PNLIPRP3: variants seen among roughly 807,000 people sequenced by gnomAD.
PNLIPRP3 encodes pancreatic lipase-related protein 3.
Under a neutral mutation model 52.8 loss-of-function variants are expected in PNLIPRP3, and 58 were observed. That is an observed-to-expected ratio of 1.10 (90% CI 0.89 to 1.37). The LOEUF is 1.37. PNLIPRP3 is among the 40% of genes most tolerant of loss of function. PNLIPRP3 has a pLI of 0.00. For synonymous variants in PNLIPRP3, 192 were observed against 185.0 expected, an observed-to-expected ratio of 1.04 and a Z score of -0.31; for missense variants, 593 against 561.6, an observed-to-expected ratio of 1.06 and a Z score of -0.57.
intron 5 of PNLIPRP3, among the ~76,000 whole-genome samples, chr10:116,456,403 T>C (rs912097704): frequency 6.6e-6 from 1 of 152,334 alleles, no homozygotes; most frequent in East Asian, 1.9e-4. Context: ...CCTGATTTGA[T>C]CATTACACAT....
At chr10:116,433,108 C>G (rs1363303395) in intron 1 of PNLIPRP3, among the ~76,000 whole-genome samples, 1 of 26,820 alleles carries the variant, frequency 3.7e-5, no homozygotes, top group Non-Finnish European at 8.0e-5. Flanking sequence ...GAGTAAAACT[C>G]CATCTCAAAA....
chr10:116,461,885 G>A (rs1201858013), intron 7 of PNLIPRP3, among the ~76,000 whole-genome samples: 1 of 152,172 alleles, frequency 6.6e-6, no homozygotes, highest in South Asian at 2.1e-4. Flanking sequence ...CAAGTGTAAG[G>A]GCTGAAAACA....
chr10:116,439,900 C>T (rs975059291), intron 2 of PNLIPRP3: 11 of 830,522 alleles, frequency 1.3e-5, no homozygotes, highest in Non-Finnish European at 2.4e-5. Context: ...CATTATCTTC[C>T]ACCTCTCAGA....
At chr10:116,434,315 A>T (rs1378473735) in intron 1 of PNLIPRP3, among the ~76,000 whole-genome samples, 2 of 152,146 alleles carry the variant, frequency 1.3e-5, no homozygotes, top group East Asian at 1.9e-4. Context: ...ACTTTTTTCC[A>T]TTACAGATAT....
At chr10:116,439,787 T>C in intron 2 of PNLIPRP3, 1 of 773,776 alleles carries the variant, frequency 1.3e-6, no homozygotes, top group Admixed American at 1.7e-5. Flanking sequence ...TTAGGATCCT[T>C]CTTCTTGCCT....
Position 116,455,794 on chromosome 10 carries a change from G to C in PNLIPRP3, c.529G>C (p.Ala177Pro). The change falls in exon 5 of 12, where the codon GCT becomes CCT. Residue 177 changes from alanine (A) to proline (P), a missense_variant. Transcript: ENST00000369230. ...CTTGGGAGCACACCTGGCTGGGGAA[G>C]CTGGGTCAAGGATACCAGGCCTTGG... Reference protein sequence around the residue: ...HSLGAHLAGEAGSRIPGLGRI... With the variant: ...HSLGAHLAGEPGSRIPGLGRI... The C allele has an allele frequency of 6.2e-7, 1 of 1,613,616 alleles. No individual in the cohort carries two copies. Among genetic ancestry groups the C allele is most frequent in the East Asian group, 2.2e-5 (1 of 44,888 alleles).
intron 5 of PNLIPRP3, 120 bp downstream of exon 5, chr10:116,455,950 C>A: frequency 1.3e-6 from 1 of 743,810 alleles, no homozygotes. Flanking sequence ...AAATGTGATT[C>A]CAATGAAATA....
intron 10 of PNLIPRP3, 73 bp from the exon 11 acceptor site, chr10:116,476,577 TAC>T: frequency 8.1e-7 from 1 of 1,229,886 alleles, no homozygotes; most frequent in East Asian, 2.5e-5. Context: ...CCATAGTGCA[TAC>T]ACAGATGTGT....
chr10:116,440,320 T>A (rs1845840019), intron 2 of PNLIPRP3, among the ~76,000 whole-genome samples: 2 of 152,148 alleles, frequency 1.3e-5, no homozygotes, highest in Admixed American at 6.6e-5. Flanking sequence ...TGAAGCTGGG[T>A]CCTACTGCCA....
chr10:116,477,031 T>A, intron 11 of PNLIPRP3, 59 bp from the exon 12 acceptor site: 1 of 1,407,288 alleles, frequency 7.1e-7, no homozygotes, highest in South Asian at 1.2e-5. Flanking sequence ...ATCTACCGTG[T>A]CTTTTTCTTC....
chr10:116,445,196 G>C (rs1375781964), intron 4 of PNLIPRP3, among the ~76,000 whole-genome samples: 2 of 152,176 alleles, frequency 1.3e-5, no homozygotes, highest in Non-Finnish European at 2.9e-5. Context: ...TGACTTGTAA[G>C]TAAGACAGTG....
At position 116,469,317 on chromosome 10, in the gene PNLIPRP3, C is replaced by A. The variant is rs573172704; in HGVS notation, c.1060C>A (p.Arg354Ser). ...CACAGGGTCCCTTTCCCCATTTGCCCGTAAGTATCATAGCTAAGTTTAATT... is the reference window on the plus strand; with the variant it reads ...CACAGGGTCCCTTTCCCCATTTGCCAGTAAGTATCATAGCTAAGTTTAATT... ...LNTGSLSPFA[R>S]WRHKLSVKLS... The change falls in exon 9 of 12, where the codon CGT (arginine) becomes AGT (serine). Residue 354 changes from arginine to serine, a missense_variant and splice_region_variant. Physicochemically the swap from Arg to Ser is moderately radical, Grantham distance 110. Transcript: ENST00000369230. The A allele has an allele frequency of 1.1e-5, 18 of 1,598,112 alleles. No individual in the cohort carries two copies. In the African/African-American group the frequency reaches 2.3e-4, roughly 20 times the overall value.
At position 116,477,410 on chromosome 10, in the gene PNLIPRP3, G is replaced by A. The variant is rs766630880; in HGVS notation, c.*257G>A. ...ATCTGGATATCATTGACAAAATAGA[G>A]CTGTTTTGGAATTTTCCTGAATAAG... On this transcript the variant is annotated 3_prime_UTR_variant, in exon 12 of 12. Coordinates refer to ENST00000369230, the MANE Select transcript of PNLIPRP3 (RefSeq NM_001011709.3). 39 of 278,694 alleles carry A rather than the reference G, an allele frequency of 1.4e-4. No individual in the cohort carries two copies. The highest frequency in any genetic ancestry group is 2.4e-4 in the Non-Finnish European group (37 of 152,722). The allele number at this position is 278,694 out of a possible 1,614,324, so 17.3% of individuals were successfully genotyped here.
chr10:116,441,705 A>C (rs1845861225), intron 2 of PNLIPRP3, among the ~76,000 whole-genome samples: 1 of 152,144 alleles, frequency 6.6e-6, no homozygotes, highest in East Asian at 1.9e-4. Flanking sequence ...TTAAGCACCT[A>C]ACTTCAAAGG....
At chr10:116,467,042 C>G (rs1846290928) in intron 8 of PNLIPRP3, among the ~76,000 whole-genome samples, 1 of 152,174 alleles carries the variant, frequency 6.6e-6, no homozygotes, top group African/African-American at 2.4e-5. Flanking sequence ...CCCACGGGAT[C>G]CTGGCATTTA....
At chr10:116,439,312 G>A (rs539977635) in intron 2 of PNLIPRP3, among the ~76,000 whole-genome samples, 1 of 152,274 alleles carries the variant, frequency 6.6e-6, no homozygotes, top group South Asian at 2.1e-4. Flanking sequence ...TATTTCTAGA[G>A]CACTTTGAGA....
chr10:116,460,882 T>G, intron 5 of PNLIPRP3, 84 bp from the exon 6 acceptor site: 3 of 1,516,652 alleles, frequency 2.0e-6, no homozygotes, highest in South Asian at 2.5e-5. Context: ...ATAGAAATAA[T>G]GTAGGAAAGG....
intron 3 of PNLIPRP3, among the ~76,000 whole-genome samples, chr10:116,443,801 G>GTA (rs1845898955): frequency 0.03 from 331 of 11,128 alleles, 7 homozygotes; most frequent in African/African-American, 0.05. Flanking sequence ...ATGTGTGTGT[G>GTA]CATATATATA....
chr10:116,472,240 G>T (rs747284378), intron 10 of PNLIPRP3, among the ~76,000 whole-genome samples: 4 of 152,050 alleles, frequency 2.6e-5, no homozygotes, highest in Non-Finnish European at 5.9e-5. Flanking sequence ...TAACAAATAA[G>T]ACATTTATAT....
Sources: allele counts gnomAD v4.1 joint callset (sites outside exome capture counted in the v4.1 genomes callset), GRCh38; gene constraint gnomAD v4.1.1; transcripts MANE v1.5; gene names NCBI Gene and HGNC (gene_info 2026-07-23, HGNC 2026-07-21).